MCC: variants seen among roughly 807,000 people sequenced by gnomAD.
MCC encodes colorectal mutant cancer protein.
A neutral mutation model predicts 116.2 loss-of-function variants in MCC; 90 were observed. That is an observed-to-expected ratio of 0.77 (90% CI 0.65 to 0.92). The LOEUF is 0.92. Among genes scored for constraint, MCC ranks in the 40% least tolerant of loss-of-function variants. The pLI is 0.00. For missense variants in MCC, 1,516 were observed against 1,312.2 expected (o/e 1.16, Z -2.40); for synonymous variants, 578 against 510.5 (o/e 1.13, Z -1.78).
chr5:113,421,809 A>T (rs1254055810), intron 1 of MCC, among the ~76,000 whole-genome samples: 1 of 152,094 alleles, frequency 6.6e-6, no homozygotes, highest in Non-Finnish European at 1.5e-5. Context: ...TTTTCACTCA[A>T]TTCCACGCTC....
chr5:113,380,531 A>G (rs1769092100), intron 2 of MCC, among the ~76,000 whole-genome samples: 1 of 146,858 alleles, frequency 6.8e-6, no homozygotes, highest in Non-Finnish European at 1.5e-5. Flanking sequence ...CATTCAACAA[A>G]CATGCACCAA....
chr5:113,275,602 C>A (rs1217847537), intron 3 of MCC, among the ~76,000 whole-genome samples: 2 of 152,114 alleles, frequency 1.3e-5, no homozygotes, highest in Non-Finnish European at 1.5e-5. Flanking sequence ...CAGGTATAGC[C>A]CGCCCTCCAT....
intron 1 of MCC, among the ~76,000 whole-genome samples, chr5:113,478,802 C>CAGTCTCACAGAG (rs1213691551): frequency 1.5e-4 from 23 of 152,152 alleles, no homozygotes; most frequent in African/African-American, 5.6e-4. Flanking sequence ...AGTCTCTTGC[C>CAGTCTCACAGAG]AGTCTCACAG....
intron 2 of MCC, among the ~76,000 whole-genome samples, chr5:113,367,632 G>GC (rs1554079182): frequency 8.6e-6 from 1 of 116,740 alleles, no homozygotes; most frequent in Admixed American, 9.6e-5. Context: ...CAGAGGGTGG[G>GC]GGGGGGGAAG....
chr5:113,439,529 T>C (rs2150414951), intron 1 of MCC, among the ~76,000 whole-genome samples: 1 of 152,250 alleles, frequency 6.6e-6, no homozygotes, highest in Non-Finnish European at 1.5e-5. Flanking sequence ...CCTCAGAAGG[T>C]CTCTCAGTGT....
chr5:113,301,543 T>C (rs1272485451), intron 3 of MCC, among the ~76,000 whole-genome samples: 2 of 151,132 alleles, frequency 1.3e-5, no homozygotes, highest in Non-Finnish European at 2.9e-5. Context: ...AAAAAGATAG[T>C]TGTAGTTTGT....
intron 1 of MCC, among the ~76,000 whole-genome samples, chr5:113,478,831 A>G (rs1210837206): frequency 1.3e-5 from 2 of 152,260 alleles, no homozygotes; most frequent in African/African-American, 4.8e-5. Flanking sequence ...TCTTATCATT[A>G]TGGCTTCTCA....
intron 1 of MCC, among the ~76,000 whole-genome samples, chr5:113,427,344 G>A (rs1770511142): frequency 6.6e-6 from 1 of 152,290 alleles, no homozygotes; most frequent in South Asian, 2.1e-4. Flanking sequence ...ACAAACTGCT[G>A]TTGTTTGGGA....
chr5:113,427,832 G>A lies in MCC; in HGVS notation c.171-42620C>T, dbSNP rs184257779. ...CCACACTAATTAACAGCCAAGTGATGAGGAACATTCATACAAAAGTGAACT... is the reference window on the plus strand; with the variant it reads ...CCACACTAATTAACAGCCAAGTGATAAGGAACATTCATACAAAAGTGAACT... On this transcript the variant is annotated intron_variant, in intron 1 of 18. Coordinates refer to ENST00000408903, the MANE Select transcript of MCC (RefSeq NM_001085377.2). Among the ~76,000 whole-genome samples, 29 of 152,232 alleles carry A rather than the reference G, an allele frequency of 1.9e-4. No homozygotes were observed. The East Asian group carries it at 4.8e-3, about 25-fold the overall frequency.
At chr5:113,182,916 C>T (rs1761705723) in intron 3 of MCC, among the ~76,000 whole-genome samples, 1 of 152,168 alleles carries the variant, frequency 6.6e-6, no homozygotes, top group African/African-American at 2.4e-5. Flanking sequence ...CAGTAATGTG[C>T]CACAGACAGC....
At chr5:113,040,777 GGGT>G (rs1420431234) in intron 17 of MCC, among the ~76,000 whole-genome samples, 9 of 152,052 alleles carry the variant, frequency 5.9e-5, no homozygotes, top group Non-Finnish European at 1.0e-4. Context: ...CCATCCACCT[GGGT>G]CTTGATTAGA....
rs768694739 is a variant in MCC, at chr5:113,063,978, C to T, written c.2213+6G>A. ...GCCCACCCCAGAGCAGAAGGCTGAG[C>T]ATTACCTGGTGTGGCTGTTGGAGGA... On this transcript the variant is annotated splice_donor_region_variant and intron_variant, in intron 14 of 18. Transcript: ENST00000408903. The T allele has an allele frequency of 6.1e-5, 99 of 1,609,896 alleles. No homozygotes were observed. The highest frequency in any genetic ancestry group is 7.8e-5 in the Non-Finnish European group (92 of 1,178,454).
chr5:113,242,173 G>T (rs1398158790), intron 3 of MCC, among the ~76,000 whole-genome samples: 1 of 152,214 alleles, frequency 6.6e-6, no homozygotes, highest in East Asian at 1.9e-4. Context: ...CTGGACTTAA[G>T]CAAGATATTA....
At chr5:113,472,407 G>T (rs1010281547) in intron 1 of MCC, among the ~76,000 whole-genome samples, 4 of 152,112 alleles carry the variant, frequency 2.6e-5, no homozygotes, top group Non-Finnish European at 4.4e-5. Flanking sequence ...TCCTTTTCCT[G>T]AACCTTCCTA....
At chr5:113,456,401 A>G (rs1284635060) in intron 1 of MCC, among the ~76,000 whole-genome samples, 1 of 152,134 alleles carries the variant, frequency 6.6e-6, no homozygotes, top group Non-Finnish European at 1.5e-5. Context: ...TTTACATTAC[A>G]TATACCAGTT....
intron 1 of MCC, among the ~76,000 whole-genome samples, chr5:113,422,266 T>C (rs2150407608): frequency 7.5e-6 from 1 of 133,514 alleles, no homozygotes; most frequent in East Asian, 2.0e-4. Flanking sequence ...TACCACACCA[T>C]GATACAGTAT....
At position 113,340,505 on chromosome 5, in the gene MCC, C is replaced by A; in HGVS notation, c.627+14G>T. The A allele has an allele frequency of 9.9e-6, 16 of 1,612,012 alleles. No individual in the cohort carries two copies. Among genetic ancestry groups the A allele is most frequent in the Non-Finnish European group, 1.3e-5 (15 of 1,178,286 alleles). On this transcript the variant is annotated intron_variant, in intron 3 of 18. Coordinates refer to ENST00000408903, the MANE Select transcript of MCC (RefSeq NM_001085377.2). ...AGGCCGAAATATGTATTCCATGAAC[C>A]AAAAAGTACTCACTGTGTTGGCCAG...
chr5:113,210,851 C>T (rs1035655588), intron 3 of MCC, among the ~76,000 whole-genome samples: 1 of 152,162 alleles, frequency 6.6e-6, no homozygotes, highest in Admixed American at 6.5e-5. Flanking sequence ...ACCCTACTTA[C>T]GTACTCCAAA....
At position 113,433,706 on chromosome 5, in the gene MCC, C is replaced by T. The variant is rs999533223; in HGVS notation, c.171-48494G>A. 10 of 1,592,292 alleles carry T rather than the reference C, an allele frequency of 6.3e-6. No homozygotes were observed. The Admixed American group carries it at 1.4e-4, about 22-fold the overall frequency. ...CAGAGCTTGGGCTTTAAGCCGTGAGCTCCATCTCATTCCCTGGGCCGCAAG... is the reference window on the plus strand; with the variant it reads ...CAGAGCTTGGGCTTTAAGCCGTGAGTTCCATCTCATTCCCTGGGCCGCAAG... On this transcript the variant is annotated intron_variant, in intron 1 of 18. Coordinates refer to ENST00000408903, the MANE Select transcript of MCC (RefSeq NM_001085377.2).
Sources: gnomAD v4.1 joint callset for allele counts (sites outside exome capture counted in the v4.1 genomes callset) on GRCh38, gnomAD v4.1.1 for gene constraint, MANE v1.5 for transcripts, NCBI Gene and HGNC (gene_info 2026-07-23, HGNC 2026-07-21) for gene names.